JRK: variants seen among roughly 807,000 people sequenced by gnomAD.
The protein encoded by JRK is Jrk helix-turn-helix protein.
For synonymous variants in JRK, 303 were observed against 218.1 expected (o/e 1.39, Z -3.43); for missense variants, 720 against 509.2 (o/e 1.41, Z -3.98).
chr8:142,658,897 C>A lies in JRK; in HGVS notation c.*5455G>T, dbSNP rs1554634123. On this transcript the variant is annotated 3_prime_UTR_variant, in exon 2 of 2. Transcript: ENST00000612905. ...CCTCCAGGCAGCACTTAGGAATTGC[C>A]AACTCCTCTGGTGAGGTCACTACCA... 9 of 1,613,648 alleles carry A rather than the reference C, an allele frequency of 5.6e-6. No individual in the cohort carries two copies. Among genetic ancestry groups the A allele is most frequent in the Non-Finnish European group, 7.6e-6 (9 of 1,179,786 alleles).
downstream of JRK, among the ~76,000 whole-genome samples, chr8:142,652,802 G>C (rs1361090450): frequency 6.6e-6 from 1 of 152,222 alleles, no homozygotes; most frequent in Non-Finnish European, 1.5e-5. Flanking sequence ...CCTATAGCTG[G>C]AGAAGTGGAA....
At position 142,661,742 on chromosome 8, in the gene JRK, T is replaced by C. The variant is rs1846922759; in HGVS notation, c.*2610A>G. The C allele has an allele frequency of 1.0e-6, 1 of 985,326 alleles. No homozygotes were observed. Among genetic ancestry groups the C allele is most frequent in the African/African-American group, 1.7e-5 (1 of 57,210 alleles). 61.0% of individuals were successfully genotyped at this position (985,326 alleles called of 1,614,324 possible). ...GTGAAGAGACACAGCCTCACAGAGCTGTGCTGTGGTGTCTGGTACAGCGGG... is the reference window on the plus strand; with the variant it reads ...GTGAAGAGACACAGCCTCACAGAGCCGTGCTGTGGTGTCTGGTACAGCGGG... On this transcript the variant is annotated 3_prime_UTR_variant, in exon 2 of 2. Coordinates refer to ENST00000612905, the MANE Select transcript of JRK (RefSeq NM_003724.4).
chr8:142,646,350 A>G, the JRK span, among the ~76,000 whole-genome samples: 109 of 152,340 alleles, frequency 7.2e-4, no homozygotes, highest in African/African-American at 2.5e-3. Context: ...CAAAGATGAT[A>G]ACAAACCCTA....
downstream of JRK, among the ~76,000 whole-genome samples, chr8:142,654,742 C>T (rs1438459671): frequency 1.3e-5 from 2 of 151,880 alleles, no homozygotes; most frequent in Non-Finnish European, 2.9e-5. Flanking sequence ...TGCCCAAGCC[C>T]CCAGCCACTC....
the JRK span, among the ~76,000 whole-genome samples, chr8:142,648,963 T>C: frequency 8.5e-5 from 13 of 152,192 alleles, no homozygotes; most frequent in Non-Finnish European, 1.3e-4. Context: ...ATGTGAGAAA[T>C]GGAGTCAAAG....
chr8:142,650,506 T>A, the JRK span, among the ~76,000 whole-genome samples: 5 of 152,346 alleles, frequency 3.3e-5, no homozygotes, highest in Non-Finnish European at 7.3e-5. Flanking sequence ...GGTAATTGAA[T>A]CATAAAGTCA....
chr8:142,655,993 C>T (rs1299561865), downstream of JRK, among the ~76,000 whole-genome samples: 4 of 152,168 alleles, frequency 2.6e-5, no homozygotes, highest in African/African-American at 9.7e-5. Flanking sequence ...AGTTTTACCA[C>T]CTTTAGTTCT....
the JRK span, among the ~76,000 whole-genome samples, chr8:142,649,749 T>C: frequency 1.3e-5 from 2 of 150,870 alleles, no homozygotes; most frequent in Non-Finnish European, 3.0e-5. Flanking sequence ...AGAAGTTTGC[T>C]GCAGGGGCAG....
In JRK at chr8:142,664,098, G is replaced by A. The variant is rs145834877; in HGVS notation, c.*254C>T. ...GCGGCTCTGGCTTGTTCTAGGCTAG[G>A]GTGGACCCTTCCAAAACATTTCCTC... On this transcript the variant is annotated 3_prime_UTR_variant, in exon 2 of 2. Coordinates refer to ENST00000612905, the MANE Select transcript of JRK (RefSeq NM_003724.4). 4.5e-3 allele frequency: 5,891 copies of A among 1,306,184 alleles called. 21 individuals carry two copies. The highest frequency in any genetic ancestry group is 7.6e-3 in the Middle Eastern group (26 of 3,442). 80.9% of individuals were successfully genotyped at this position (1,306,184 alleles called of 1,614,324 possible). A position where few individuals can be genotyped will look rare whatever the true frequency, so the allele number is the denominator to read the frequency against.
In JRK at chr8:142,666,005, C is replaced by G; in HGVS notation, c.54G>C (p.Val18=). ...GKSRGEKRKR[V]VLTLKEKIDI... ...CAATCTTCTCCTTCAGTGTCAGCAC[C>G]ACCCTCTTCCGCTTCTCCCCTCTGC... The change falls in exon 2 of 2, where the codon GTG becomes GTC. Residue 18 remains valine (V), a synonymous_variant. Transcript: ENST00000612905. 1 of 1,412,078 alleles carries G rather than the reference C, an allele frequency of 7.1e-7. No individual in the cohort carries two copies. 87.5% of individuals were successfully genotyped at this position (1,412,078 alleles called of 1,614,324 possible).
At position 142,661,053 on chromosome 8, in the gene JRK, G is replaced by A. The variant is rs368905813; in HGVS notation, c.*3299C>T. 3.0e-5 allele frequency: 30 copies of A among 985,374 alleles called. No homozygotes were observed. In the African/African-American group the frequency reaches 3.5e-4, roughly 11 times the overall value. The allele number at this position is 985,374 out of a possible 1,614,324, so 61.0% of individuals were successfully genotyped here. A position where few individuals can be genotyped will look rare whatever the true frequency, so the allele number is the denominator to read the frequency against. ...CCACTGGATAAGAACAGTGGCCTGC[G>A]ACGTCAGGGGCAGTCCAGGTGCTCT... On this transcript the variant is annotated 3_prime_UTR_variant, in exon 2 of 2. Transcript: ENST00000612905.
chr8:142,659,294 C>T lies in JRK; in HGVS notation c.*5058G>A, dbSNP rs923692908. The T allele has an allele frequency of 1.2e-4, 126 of 1,047,852 alleles. No homozygotes were observed. The Middle Eastern group carries it at 1.8e-3, about 15-fold the overall frequency. The allele number at this position is 1,047,852 out of a possible 1,614,324, so 64.9% of individuals were successfully genotyped here. A position where few individuals can be genotyped will look rare whatever the true frequency, so the allele number is the denominator to read the frequency against. The stretch of plus-strand genomic sequence containing the variant: ...GGGGTGGCTTAGGACCAGGGCAAGA[C>T]GCCTGACCCCAGAGCAGACCATGCT... On this transcript the variant is annotated 3_prime_UTR_variant, in exon 2 of 2. Transcript: ENST00000612905.
chr8:142,647,950 A>G, the JRK span, among the ~76,000 whole-genome samples: 1 of 152,242 alleles, frequency 6.6e-6, no homozygotes, highest in African/African-American at 2.4e-5. Flanking sequence ...AGGTGGTCTC[A>G]GATGAAAATG....
At position 142,660,853 on chromosome 8, in the gene JRK, C is replaced by T. The variant is rs1846893091; in HGVS notation, c.*3499G>A. On this transcript the variant is annotated 3_prime_UTR_variant, in exon 2 of 2. Coordinates refer to ENST00000612905, the MANE Select transcript of JRK (RefSeq NM_003724.4). ...CCTTCTGCAAACCCCTGCCTCAAAC[C>T]GTGTCCCTCCACAAGCACATCCAGC... The T allele has an allele frequency of 9.1e-6, 9 of 985,666 alleles. No individual in the cohort carries two copies. The highest frequency in any genetic ancestry group is 1.7e-5 in the African/African-American group (1 of 57,364). 61.1% of individuals were successfully genotyped at this position (985,666 alleles called of 1,614,324 possible). A position where few individuals can be genotyped will look rare whatever the true frequency, so the allele number is the denominator to read the frequency against.
the JRK span, among the ~76,000 whole-genome samples, chr8:142,650,373 G>A: frequency 1.3e-5 from 2 of 152,322 alleles, no homozygotes; most frequent in South Asian, 2.1e-4. Context: ...CAAAATGTGA[G>A]GACATGAGAT....
At position 142,664,734 on chromosome 8, in the gene JRK, AC is replaced by A; in HGVS notation, c.1324del (p.Val442Ter). On this transcript the variant is annotated frameshift_variant, in exon 2 of 2. Transcript: ENST00000612905. LOFTEE classifies it low-confidence loss of function (END_TRUNC). ...TCCCCCTTCTGCCTCCCTTCCCGCT[AC>A]CCCCCAGCTGGCGGCCTGGCGCTGG... Reference protein sequence around the residue: ...LRQRQAASWGVAGREAEGGRP... With the variant: ...LRQRQAASWGXAGREAEGGRP... The A allele has an allele frequency of 1.3e-6, 2 of 1,598,258 alleles. No individual in the cohort carries two copies. Among genetic ancestry groups the A allele is most frequent in the Non-Finnish European group, 1.7e-6 (2 of 1,173,412 alleles).
chr8:142,644,861 A>G, the JRK span, among the ~76,000 whole-genome samples: 1 of 152,236 alleles, frequency 6.6e-6, no homozygotes. Flanking sequence ...CCTTTTATAA[A>G]CTTTATAGCC....
chr8:142,667,323 C>A (rs189404977), intron 1 of JRK, among the ~76,000 whole-genome samples: 38 of 152,300 alleles, frequency 2.5e-4, no homozygotes, highest in Non-Finnish European at 3.1e-4. Context: ...CCCCAGGCAG[C>A]CACACTGAGC....
chr8:142,665,415 C>A lies in JRK; in HGVS notation c.644G>T (p.Arg215Leu). 1 of 717,732 alleles carries A rather than the reference C, an allele frequency of 1.4e-6. No homozygotes were observed. The highest frequency in any genetic ancestry group is 2.6e-6 in the Non-Finnish European group (1 of 385,086). 44.5% of individuals were successfully genotyped at this position (717,732 alleles called of 1,614,324 possible). A position where few individuals can be genotyped will look rare whatever the true frequency, so the allele number is the denominator to read the frequency against. ...AVPGPKQGKD[R>L]LTVLMCANAT... is the part of the protein sequence containing the mutation. ...GTTGGCACACATCAGCACGGTCAGC[C>A]GGTCCTTGCCCTGCTTGGGGCCAGG... The change falls in exon 2 of 2, where the codon CGG becomes CTG. Residue 215 changes from arginine to leucine, a missense_variant. Arg to Leu is a moderately radical substitution (Grantham distance 102). Coordinates refer to ENST00000612905, the MANE Select transcript of JRK (RefSeq NM_003724.4).
Sources: gnomAD v4.1 joint callset for allele counts (sites outside exome capture counted in the v4.1 genomes callset) on GRCh38, gnomAD v4.1.1 for gene constraint, MANE v1.5 for transcripts, NCBI Gene and HGNC (gene_info 2026-07-23, HGNC 2026-07-21) for gene names.